ACAP2: variants seen among roughly 807,000 people sequenced by gnomAD.
ACAP2 encodes arf-GAP with coiled-coil, ANK repeat and PH domain-containing protein 2.
Under a neutral mutation model 115.8 loss-of-function variants are expected in ACAP2, and 39 were observed. The ratio of observed to expected loss-of-function variants is 0.34; its 90% CI spans 0.26 to 0.44. The LOEUF (loss-of-function observed/expected upper bound fraction) is 0.44. ACAP2 is among the 20% of genes least tolerant of loss of function. The pLI, the probability that ACAP2 is intolerant of heterozygous loss-of-function variation, is 1.00. For synonymous variants in ACAP2, 289 were observed against 315.8 expected, an observed-to-expected ratio of 0.92 and a Z score of 0.90; for missense variants, 662 against 927.6, an observed-to-expected ratio of 0.71 and a Z score of 3.72.
Position 195,278,422 on chromosome 3 carries a change from A to G in ACAP2, c.*906T>C, listed in dbSNP as rs943118086. 2 of 152,202 alleles carry G rather than the reference A, an allele frequency of 1.3e-5. No individual in the cohort carries two copies. Among genetic ancestry groups the G allele is most frequent in the Non-Finnish European group, 2.9e-5 (2 of 68,034 alleles). 9.4% of individuals were successfully genotyped at this position (152,202 alleles called of 1,614,324 possible). ...CAACAGCAAAACTATCTTTAAAAGGACAAATTTCAAATATAAAAATGGCCT... is the reference window on the plus strand; with the variant it reads ...CAACAGCAAAACTATCTTTAAAAGGGCAAATTTCAAATATAAAAATGGCCT... On this transcript the variant is annotated 3_prime_UTR_variant, in exon 23 of 23. Transcript: ENST00000326793.
At chr3:195,410,684 A>C (rs538816683) in intron 1 of ACAP2, 1 of 152,894 alleles carries the variant, frequency 6.5e-6, no homozygotes, top group Non-Finnish European at 1.5e-5. Context: ...AGGGAAACAC[A>C]AATCAAAACT....
chr3:195,316,838 T>C (rs1192827100), intron 10 of ACAP2, among the ~76,000 whole-genome samples: 2 of 150,186 alleles, frequency 1.3e-5, no homozygotes, highest in Non-Finnish European at 3.0e-5. Flanking sequence ...CATCTGGCAA[T>C]ATCAAATGCT....
intron 1 of ACAP2, among the ~76,000 whole-genome samples, chr3:195,402,734 G>T (rs1054908034): frequency 6.6e-6 from 1 of 152,132 alleles, no homozygotes; most frequent in African/African-American, 2.4e-5. Flanking sequence ...GACACTCAAA[G>T]AAAAGAATCA....
intron 10 of ACAP2, among the ~76,000 whole-genome samples, chr3:195,315,957 CACTT>C (rs1332921005): frequency 2.0e-5 from 3 of 152,184 alleles, no homozygotes; most frequent in African/African-American, 7.2e-5. Context: ...ATTCTACTAA[CACTT>C]ACTATGCTTC....
At chr3:195,393,889 G>C (rs945989533) in intron 1 of ACAP2, among the ~76,000 whole-genome samples, 8 of 146,986 alleles carry the variant, frequency 5.4e-5, no homozygotes, top group African/African-American at 9.9e-5. Context: ...TATATTGGGG[G>C]GGGGGGAAGC....
intron 4 of ACAP2, among the ~76,000 whole-genome samples, chr3:195,359,449 T>C (rs1312957088): frequency 6.6e-6 from 1 of 151,916 alleles, no homozygotes; most frequent in Non-Finnish European, 1.5e-5. Flanking sequence ...GAGGACACAG[T>C]GTTAAAGTAT....
chr3:195,306,375 A>C (rs1407416941), intron 13 of ACAP2, 136 bp downstream of exon 13: 6 of 495,570 alleles, frequency 1.2e-5, no homozygotes, highest in Non-Finnish European at 2.1e-5. Context: ...AATTAAATCC[A>C]GATTTTAAAA....
chr3:195,316,680 T>C (rs972669880), intron 10 of ACAP2, among the ~76,000 whole-genome samples: 4 of 152,076 alleles, frequency 2.6e-5, no homozygotes, highest in Admixed American at 2.0e-4. Context: ...ATTACAGGCA[T>C]GAACCACCAT....
At chr3:195,317,248 C>T (rs529278486) in intron 10 of ACAP2, among the ~76,000 whole-genome samples, 1 of 152,020 alleles carries the variant, frequency 6.6e-6, no homozygotes, top group East Asian at 1.9e-4. Flanking sequence ...AAAATAATTA[C>T]ACTAGAAACC....
At chr3:195,426,947 C>T (rs1375977566) in intron 1 of ACAP2, among the ~76,000 whole-genome samples, 1 of 151,990 alleles carries the variant, frequency 6.6e-6, no homozygotes, top group Non-Finnish European at 1.5e-5. Context: ...CCGCCCCCAC[C>T]AAGGATGTCA....
intron 1 of ACAP2, among the ~76,000 whole-genome samples, chr3:195,409,286 C>T (rs1207386439): frequency 2.6e-5 from 4 of 152,004 alleles, no homozygotes; most frequent in Non-Finnish European, 5.9e-5. Context: ...CATTTCTATA[C>T]ACATTAAGAA....
chr3:195,346,984 G>A (rs543988299), intron 4 of ACAP2, among the ~76,000 whole-genome samples: 4 of 152,184 alleles, frequency 2.6e-5, no homozygotes, highest in East Asian at 3.9e-4. Flanking sequence ...GTTAATAATG[G>A]GGCAACATGA....
At chr3:195,412,875 G>C (rs900058479) in intron 1 of ACAP2, 4 of 456,388 alleles carry the variant, frequency 8.8e-6, no homozygotes, top group Non-Finnish European at 1.8e-5. Context: ...TAGAGACTTA[G>C]GAAACAGCAA....
rs35365512 is a variant in ACAP2, at chr3:195,370,952, CAA to C, written c.285+10055_285+10056del. On this transcript the variant is annotated intron_variant, in intron 4 of 22. Transcript: ENST00000326793. ...GGGCAGCTAGAGTGAAACTCTGTCTCAAAAAAAAAAAAAAAAAAAATAGTTTG... is the reference window on the plus strand; with the variant it reads ...GGGCAGCTAGAGTGAAACTCTGTCTCAAAAAAAAAAAAAAAAAATAGTTTG... 8.5e-3 allele frequency among the ~76,000 whole-genome samples: 891 copies of C among 104,280 alleles called. 7 individuals are homozygous for C. Among genetic ancestry groups the C allele is most frequent in the African/African-American group, 0.024 (732 of 30,862 alleles). 68.4% of individuals were successfully genotyped at this position (104,280 alleles called of 152,430 possible).
rs1239597169 is a variant in ACAP2 at position 195,285,865 on chromosome 3, TAAATA to T, written c.2175-13_2175-9del. 3.7e-5 allele frequency: 60 copies of T among 1,600,922 alleles called. No individual in the cohort carries two copies. Among genetic ancestry groups the T allele is most frequent in the Non-Finnish European group, 4.9e-5 (58 of 1,171,858 alleles). ...ATTCTTGCTAAACGTAACCTAAAAA[TAAATA>T]AAATAGTGTTTTAGATGACATTATA... is the stretch of plus-strand genomic sequence containing the variant. On this transcript the variant is annotated splice_polypyrimidine_tract_variant and intron_variant, in intron 21 of 22. Coordinates refer to ENST00000326793, the MANE Select transcript of ACAP2 (RefSeq NM_012287.6).
intron 4 of ACAP2, chr3:195,350,135 T>C (rs1211771990): frequency 3.3e-5 from 5 of 152,282 alleles, no homozygotes; most frequent in African/African-American, 1.2e-4. Context: ...AGAAGACTTA[T>C]TATTAGCAAA....
chr3:195,279,977 A>C (rs1056747874), intron 22 of ACAP2, among the ~76,000 whole-genome samples: 3 of 152,078 alleles, frequency 2.0e-5, no homozygotes, highest in Non-Finnish European at 4.4e-5. Flanking sequence ...CGTAATTAAA[A>C]CTAATGCACC....
chr3:195,311,692 A>G (rs1229763872), intron 10 of ACAP2, among the ~76,000 whole-genome samples: 1 of 151,608 alleles, frequency 6.6e-6, no homozygotes, highest in Non-Finnish European at 1.5e-5. Context: ...ATGCACCACC[A>G]CGCCCAGCTA....
At chr3:195,414,009 A>C (rs574045013) in intron 1 of ACAP2, among the ~76,000 whole-genome samples, 3 of 152,224 alleles carry the variant, frequency 2.0e-5, no homozygotes, top group Non-Finnish European at 4.4e-5. Flanking sequence ...GAAAAAGAAA[A>C]AAAGAAAGAA....
Sources: gnomAD v4.1 joint callset for allele counts (sites outside exome capture counted in the v4.1 genomes callset) on GRCh38, gnomAD v4.1.1 for gene constraint, MANE v1.5 for transcripts, NCBI Gene and HGNC (gene_info 2026-07-23, HGNC 2026-07-21) for gene names.